Variants in STIM1 observed in about 807,000 individuals in gnomAD.
The protein encoded by STIM1 is stromal interaction molecule 1.
In STIM1, 25 loss-of-function variants were observed where a neutral mutation model predicts 74.7. The ratio of observed to expected loss-of-function variants is 0.33; its 90% confidence interval spans 0.24 to 0.47. The LOEUF (loss-of-function observed/expected upper bound fraction) is 0.47, where lower values mean the gene tolerates loss of function less well. STIM1 is among the 20% of genes least tolerant of loss of function. STIM1 has a pLI of 1.00. For missense variants in STIM1, 728 were observed against 920.8 expected, an observed-to-expected ratio of 0.79 and a Z score of 2.71; for synonymous variants, 328 against 348.8, an observed-to-expected ratio of 0.94 and a Z score of 0.66.
chr11:3,983,617 A>C (rs944046466), intron 2 of STIM1, among the ~76,000 whole-genome samples: 2 of 152,146 alleles, frequency 1.3e-5, no homozygotes, highest in African/African-American at 4.8e-5. Context: ...GTTGTCAAAG[A>C]CAGCCAGCCA....
intron 1 of STIM1, among the ~76,000 whole-genome samples, chr11:3,954,191 C>T (rs1396124704): frequency 3.9e-5 from 6 of 152,080 alleles, no homozygotes; most frequent in African/African-American, 1.2e-4. Context: ...ACCTGTTTTT[C>T]AGTGGTAACT....
intron 1 of STIM1, among the ~76,000 whole-genome samples, chr11:3,938,996 A>G (rs957588040): frequency 6.6e-5 from 10 of 152,196 alleles, no homozygotes; most frequent in African/African-American, 1.2e-4. Flanking sequence ...CTACTGCCAT[A>G]CTAGCTTCAG....
At chr11:3,924,294 G>A (rs1165896743) in intron 1 of STIM1, among the ~76,000 whole-genome samples, 1 of 151,184 alleles carries the variant, frequency 6.6e-6, no homozygotes, top group African/African-American at 2.4e-5. Context: ...TGCCTCCCGG[G>A]TTCACACCAT....
At chr11:3,950,002 T>C (rs1172326605) in intron 1 of STIM1, among the ~76,000 whole-genome samples, 1 of 152,186 alleles carries the variant, frequency 6.6e-6, no homozygotes, top group Non-Finnish European at 1.5e-5. Flanking sequence ...TAGAATTTTA[T>C]CCTTTCAAAA....
chr11:3,855,458 C>G (rs1024253205), upstream of STIM1: 2 of 152,072 alleles, frequency 1.3e-5, no homozygotes, highest in African/African-American at 4.8e-5. Context: ...TGCGCGGGAT[C>G]CTGGCAAAGA....
intron 1 of STIM1, among the ~76,000 whole-genome samples, chr11:3,952,375 A>G (rs1217675262): frequency 1.3e-5 from 2 of 152,144 alleles, no homozygotes; most frequent in Non-Finnish European, 2.9e-5. Flanking sequence ...AGCCTGGGTG[A>G]CAGAGTGAGA....
intron 1 of STIM1, among the ~76,000 whole-genome samples, chr11:3,935,767 A>T (rs2092924320): frequency 6.6e-6 from 1 of 152,222 alleles, no homozygotes; most frequent in African/African-American, 2.4e-5. Flanking sequence ...GTCTGTGAAA[A>T]TACCACACCT....
At chr11:3,969,044 G>A (rs919018102) in intron 2 of STIM1, among the ~76,000 whole-genome samples, 3 of 152,198 alleles carry the variant, frequency 2.0e-5, no homozygotes, top group Non-Finnish European at 4.4e-5. Flanking sequence ...AGCAGAACCA[G>A]GTCCAAAGTA....
chr11:3,959,269 G>A (rs922216163), intron 1 of STIM1, among the ~76,000 whole-genome samples: 1 of 152,108 alleles, frequency 6.6e-6, no homozygotes, highest in Non-Finnish European at 1.5e-5. Context: ...TTTCCAATTC[G>A]TCCTATAGGG....
intron 1 of STIM1, among the ~76,000 whole-genome samples, chr11:3,940,160 A>G (rs1565122306): frequency 1.3e-5 from 2 of 152,176 alleles, no homozygotes; most frequent in Admixed American, 6.5e-5. Context: ...CCAGAACACA[A>G]CAGTTCCGTC....
At position 3,990,427 on chromosome 11, in the gene STIM1, C is replaced by CT. The variant is rs1386148275; in HGVS notation, c.270+22749dup. Among the ~76,000 whole-genome samples the CT allele has an allele frequency of 2.0e-5, 3 of 152,126 alleles. No individual in the cohort carries two copies. In the East Asian group the frequency reaches 5.8e-4, roughly 29 times the overall value. On this transcript the variant is annotated intron_variant, in intron 2 of 12. Coordinates refer to ENST00000526596, the MANE Select transcript of STIM1 (RefSeq NM_001382567.1). ...GTTTTATGTTTTGTTTGGATGTATA[C>CT]TTTTATTTCTCTTGGGTACATACAT...
At chr11:3,930,367 G>A (rs1424432051) in intron 1 of STIM1, among the ~76,000 whole-genome samples, 2 of 152,176 alleles carry the variant, frequency 1.3e-5, no homozygotes, top group African/African-American at 4.8e-5. Context: ...TTTGTCTTTC[G>A]AAAATGACAG....
intron 1 of STIM1, among the ~76,000 whole-genome samples, chr11:3,895,739 T>TTC (rs1565105395): frequency 8.9e-5 from 3 of 33,526 alleles, no homozygotes; most frequent in East Asian, 1.8e-3. Context: ...TCTTTCTTTT[T>TTC]CTTTCTTCCT....
At chr11:3,957,745 T>C (rs1349318675) in intron 1 of STIM1, among the ~76,000 whole-genome samples, 1 of 152,086 alleles carries the variant, frequency 6.6e-6, no homozygotes, top group East Asian at 1.9e-4. Flanking sequence ...TTTTCTTCCT[T>C]TGTAGAGATG....
At chr11:4,073,596 C>A (rs1011616240) in intron 6 of STIM1, among the ~76,000 whole-genome samples, 1 of 152,084 alleles carries the variant, frequency 6.6e-6, no homozygotes, top group Non-Finnish European at 1.5e-5. Flanking sequence ...TGAAAGAACT[C>A]GGTGAATGAA....
intron 1 of STIM1, among the ~76,000 whole-genome samples, chr11:3,916,067 G>A (rs1206865396): frequency 6.6e-6 from 1 of 151,900 alleles, no homozygotes; most frequent in Admixed American, 6.6e-5. Flanking sequence ...AAATAAATAA[G>A]TAAATAAATA....
Position 3,989,381 on chromosome 11 carries a change from G to T in STIM1, c.270+21699G>T, listed in dbSNP as rs2093587440. 4 of 775,328 alleles carry T rather than the reference G, an allele frequency of 5.2e-6. No individual in the cohort carries two copies. In the South Asian group the frequency reaches 5.4e-5, roughly 10 times the overall value. 48.0% of individuals were successfully genotyped at this position (775,328 alleles called of 1,614,324 possible). On this transcript the variant is annotated intron_variant, in intron 2 of 12. Transcript: ENST00000526596. ...TTCGCTTCCACTTTTGCAGGAGCAG[G>T]TTTAGCAGACAACCGCGCCGATCTC...
chr11:3,936,096 C>G (rs979777673), intron 1 of STIM1, among the ~76,000 whole-genome samples: 5 of 152,156 alleles, frequency 3.3e-5, no homozygotes, highest in Non-Finnish European at 7.3e-5. Context: ...GTAACCTCTC[C>G]CCTACAATCA....
intron 1 of STIM1, among the ~76,000 whole-genome samples, chr11:3,874,956 C>CT (rs574649531): frequency 1.2e-3 from 171 of 144,270 alleles, no homozygotes; most frequent in South Asian, 3.5e-3. Context: ...GAGTTTGTAT[C>CT]TTTTTTTTTT....
Sources: allele counts gnomAD v4.1 joint callset (sites outside exome capture counted in the v4.1 genomes callset), GRCh38; gene constraint gnomAD v4.1.1; transcripts MANE v1.5; gene names NCBI Gene and HGNC (gene_info 2026-07-23, HGNC 2026-07-21).